NR2C1: variants seen among roughly 807,000 people sequenced by gnomAD.
The protein encoded by NR2C1 is TR2 nuclear hormone receptor.
A neutral mutation model predicts 74.8 loss-of-function variants in NR2C1; 33 were observed. The ratio of observed to expected loss-of-function variants is 0.44; its 90% CI spans 0.33 to 0.59. The LOEUF (loss-of-function observed/expected upper bound fraction) is 0.59, where lower values mean the gene tolerates loss of function less well. Among genes scored for constraint, NR2C1 ranks in the 20% least tolerant of loss-of-function variants. The probability of loss-of-function intolerance (pLI) is 0.02; values close to 1 mark genes in which losing one functional copy is unlikely to be tolerated. For synonymous variants in NR2C1, 225 were observed against 240.6 expected, an observed-to-expected ratio of 0.94 and a Z score of 0.60; for missense variants, 568 against 715.6, an observed-to-expected ratio of 0.79 and a Z score of 2.35.
At chr12:95,069,866 C>G (rs1180210526) in intron 1 of NR2C1, among the ~76,000 whole-genome samples, 1 of 151,966 alleles carries the variant, frequency 6.6e-6, no homozygotes, top group Non-Finnish European at 1.5e-5. Flanking sequence ...AAAAAAGCAA[C>G]TCTCCCTTTC....
At chr12:95,042,393 A>C (rs1164688650) in intron 9 of NR2C1, among the ~76,000 whole-genome samples, 1 of 151,636 alleles carries the variant, frequency 6.6e-6, no homozygotes. Flanking sequence ...TTGTATTTTT[A>C]GTAGAGACGG....
rs972593608 is a variant in NR2C1, at chr12:95,073,573, T to C, written c.-201A>G. The C allele has an allele frequency of 1.3e-5, 2 of 152,258 alleles. No homozygotes were observed. The highest frequency in any genetic ancestry group is 2.9e-5 in the Non-Finnish European group (2 of 68,070). 9.4% of individuals were successfully genotyped at this position (152,258 alleles called of 1,614,324 possible). On this transcript the variant is annotated 5_prime_UTR_variant, in exon 1 of 14. Transcript: ENST00000333003. Reference sequence around the variant, plus strand: ...GGGGTCAGAGTTCGTGACCTCTTTCTCGGCTCGGCGGCGCGCTATCCCGCC... The same window carrying C: ...GGGGTCAGAGTTCGTGACCTCTTTCCCGGCTCGGCGGCGCGCTATCCCGCC...
chr12:95,037,479 G>A (rs1870989941), intron 10 of NR2C1, among the ~76,000 whole-genome samples: 1 of 152,156 alleles, frequency 6.6e-6, no homozygotes, highest in African/African-American at 2.4e-5. Context: ...AATTATTTAA[G>A]TTACTGTTCC....
In NR2C1 at chr12:95,049,154, T is replaced by C. The variant is rs568049611; in HGVS notation, c.1045A>G (p.Ser349Gly). ...CQSSVAGMEGSVHLITGDSSI... is the reference protein window; with the variant it reads ...CQSSVAGMEGGVHLITGDSSI... Reference sequence around the variant, plus strand: ...GAATCTCCAGTGATTAGGTGTACACTTCCTTCCATGCCCGCTACTGAGCTC... The same window carrying C: ...GAATCTCCAGTGATTAGGTGTACACCTCCTTCCATGCCCGCTACTGAGCTC... Residue 349 changes from serine to glycine, a missense_variant, in exon 9 of 14, where the codon AGT (serine) becomes GGT (glycine). Coordinates refer to ENST00000333003, the MANE Select transcript of NR2C1 (RefSeq NM_003297.4). The C allele has an allele frequency of 1.4e-5, 22 of 1,612,056 alleles. 1 individual carries two copies. Among genetic ancestry groups the C allele is most frequent in the African/African-American group, 9.3e-5 (7 of 74,952 alleles).
chr12:95,045,358 A>C (rs1468881220), intron 9 of NR2C1, among the ~76,000 whole-genome samples: 1 of 152,244 alleles, frequency 6.6e-6, no homozygotes, highest in Non-Finnish European at 1.5e-5. Flanking sequence ...GGCAATGGGA[A>C]GCTACTGAAG....
At position 95,040,505 on chromosome 12, in the gene NR2C1, T is replaced by C; in HGVS notation, c.1224A>G (p.Ala408=). 1 of 1,613,848 alleles carries C rather than the reference T, an allele frequency of 6.2e-7. No individual in the cohort carries two copies. The change falls in exon 10 of 14, where the codon GCA becomes GCG. Residue 408 remains alanine, a synonymous_variant. Coordinates refer to ENST00000333003, the MANE Select transcript of NR2C1 (RefSeq NM_003297.4). ...GAGCCTGGAAAGAAGGAATCGAAAG[T>C]GCCCAGTGCATTGATAAGAACAGCA... The part of the protein sequence containing the change: ...SRLLFLSMHW[A]LSIPSFQALG...
At chr12:95,023,663 T>C (rs999512894) in intron 13 of NR2C1, among the ~76,000 whole-genome samples, 1 of 152,212 alleles carries the variant, frequency 6.6e-6, no homozygotes, top group Non-Finnish European at 1.5e-5. Flanking sequence ...CCTGCCAATT[T>C]CTGTGCCAGG....
At chr12:95,035,515 C>A (rs1246635414) in intron 10 of NR2C1, among the ~76,000 whole-genome samples, 1 of 151,984 alleles carries the variant, frequency 6.6e-6, no homozygotes, top group African/African-American at 2.4e-5. Context: ...TAAGAAAGTA[C>A]CTTGGCATTG....
chr12:95,067,014 T>C (rs1875814620), intron 2 of NR2C1: 6 of 353,668 alleles, frequency 1.7e-5, no homozygotes, highest in South Asian at 1.2e-4. Context: ...AGGCTCAGAT[T>C]GTACCCTCTA....
intron 1 of NR2C1, among the ~76,000 whole-genome samples, chr12:95,071,057 C>T (rs1876521335): frequency 6.6e-6 from 1 of 152,042 alleles, no homozygotes. Flanking sequence ...AAAATTTAGC[C>T]GGGTGTGGTG....
intron 9 of NR2C1, among the ~76,000 whole-genome samples, chr12:95,043,590 G>A (rs1425511006): frequency 6.6e-6 from 1 of 150,434 alleles, no homozygotes; most frequent in Non-Finnish European, 1.5e-5. Flanking sequence ...TCGGGAGGCT[G>A]AGGTGCCAAG....
At chr12:95,056,938 AAC>A (rs1394748441) in intron 7 of NR2C1, among the ~76,000 whole-genome samples, 4 of 150,262 alleles carry the variant, frequency 2.7e-5, no homozygotes, top group African/African-American at 4.9e-5. Flanking sequence ...TAGCCTCGGC[AAC>A]AGAGTGAGAC....
intron 10 of NR2C1, among the ~76,000 whole-genome samples, chr12:95,035,138 G>C (rs1870659371): frequency 6.6e-6 from 1 of 152,142 alleles, no homozygotes; most frequent in Non-Finnish European, 1.5e-5. Context: ...TACTAACATA[G>C]GAAGAAGTCT....
At position 95,058,589 on chromosome 12, in the gene NR2C1, C is replaced by T. The variant is rs1874255242; in HGVS notation, c.365-100G>A. On this transcript the variant is annotated intron_variant, in intron 4 of 13. Coordinates refer to ENST00000333003, the MANE Select transcript of NR2C1 (RefSeq NM_003297.4). ...CCTTTAAACAACATATAAGATGAAA[C>T]TGATTTTTGAGCTTCTGACATGAAA... 5 of 922,088 alleles carry T rather than the reference C, an allele frequency of 5.4e-6. No homozygotes were observed. The East Asian group carries it at 1.3e-4, about 24-fold the overall frequency. The allele number at this position is 922,088 out of a possible 1,614,324, so 57.1% of individuals were successfully genotyped here.
chr12:95,067,286 A>G, intron 2 of NR2C1, 45 bp downstream of exon 2: 1 of 1,509,410 alleles, frequency 6.6e-7, no homozygotes, highest in East Asian at 2.3e-5. Flanking sequence ...AGTAGGAATT[A>G]GAAAAGTTTG....
chr12:95,041,272 TGTC>T (rs1258449578), intron 9 of NR2C1, among the ~76,000 whole-genome samples: 1 of 152,056 alleles, frequency 6.6e-6, no homozygotes, highest in Non-Finnish European at 1.5e-5. Flanking sequence ...TGGATCACGA[TGTC>T]GAGAGATCGA....
chr12:95,056,785 C>T (rs1454569914), intron 7 of NR2C1, among the ~76,000 whole-genome samples: 4 of 151,880 alleles, frequency 2.6e-5, no homozygotes, highest in East Asian at 2.0e-4. Flanking sequence ...GGTGAAACCC[C>T]GTCTCTACTA....
intron 13 of NR2C1, 124 bp downstream of exon 13, chr12:95,025,026 A>G (rs148370298): frequency 7.4e-5 from 39 of 526,152 alleles, no homozygotes; most frequent in African/African-American, 6.7e-4. Context: ...TTTTTATAGC[A>G]TTAGTATTTC....
At position 95,060,026 on chromosome 12, in the gene NR2C1, CTGT is replaced by C. The variant is rs770128603; in HGVS notation, c.286-45_286-43del. On this transcript the variant is annotated intron_variant, in intron 3 of 13. Transcript: ENST00000333003. ...AAAAAAAGAAAACAAAAACGAAAAC[CTGT>C]TGTTACTCAACAGCACTCATTCTAT... is the stretch of plus-strand genomic sequence containing the variant. 3 of 1,437,030 alleles carry C rather than the reference CTGT, an allele frequency of 2.1e-6. No homozygotes were observed. In the East Asian group the frequency reaches 7.1e-5, roughly 34 times the overall value. The allele number at this position is 1,437,030 out of a possible 1,614,324, so 89.0% of individuals were successfully genotyped here.
Sources: gnomAD v4.1 joint callset for allele counts (sites outside exome capture counted in the v4.1 genomes callset) on GRCh38, gnomAD v4.1.1 for gene constraint, MANE v1.5 for transcripts, NCBI Gene and HGNC (gene_info 2026-07-23, HGNC 2026-07-21) for gene names.